The following SAMMSON variants were observed in gnomAD, a reference collection of about 807,000 sequenced individuals.
SAMMSON encodes the protein survival associated mitochondrial melanoma specific oncogenic non-coding RNA, also known as long intergenic non-protein coding RNA 1212.
chr3:70,429,750 A>G (rs944539946), intron 2 of SAMMSON, among the ~76,000 whole-genome samples: 3 of 152,170 alleles, frequency 2.0e-5, no homozygotes, highest in African/African-American at 7.2e-5. Context: ...GAGTTCACTC[A>G]TGATTTGGCT....
intron 4 of SAMMSON, among the ~76,000 whole-genome samples, chr3:70,182,353 A>G (rs1444449417): frequency 6.6e-6 from 1 of 152,166 alleles, no homozygotes; most frequent in Non-Finnish European, 1.5e-5. Context: ...TCGTGAGCCC[A>G]TATAGATTCT....
intron 2 of SAMMSON, among the ~76,000 whole-genome samples, chr3:70,429,341 C>T (rs1163381978): frequency 6.6e-6 from 1 of 152,052 alleles, no homozygotes; most frequent in African/African-American, 2.4e-5. Flanking sequence ...GTTTTGGTAC[C>T]AGTACGATGT....
chr3:70,396,024 C>G (rs1055125995), intron 2 of SAMMSON, among the ~76,000 whole-genome samples: 5 of 152,130 alleles, frequency 3.3e-5, no homozygotes, highest in Non-Finnish European at 7.4e-5. Flanking sequence ...AGGCATCTAG[C>G]TCATGAGAAC....
chr3:70,370,078 C>T (rs1270566657), intron 9 of SAMMSON, among the ~76,000 whole-genome samples: 1 of 151,842 alleles, frequency 6.6e-6, no homozygotes, highest in African/African-American at 2.4e-5. Flanking sequence ...TCTCTCTGTG[C>T]CTGACATATT....
intron 9 of SAMMSON, among the ~76,000 whole-genome samples, chr3:70,359,128 T>C (rs1033321089): frequency 2.6e-5 from 4 of 152,046 alleles, no homozygotes; most frequent in Admixed American, 6.6e-5. Flanking sequence ...CATCAATTTC[T>C]CCTCTTGCAA....
rs186105689 is a variant in SAMMSON, at chr3:70,011,159, T to A, written n.23-1198T>A. Among the ~76,000 whole-genome samples the A allele has an allele frequency of 1.1e-3, 163 of 152,320 alleles. 1 individual carries two copies. The highest frequency in any genetic ancestry group is 1.9e-3 in the Non-Finnish European group (131 of 68,034). ...TGTAGATACATAATAGTTTTACATA[T>A]TTCTGAGGTGCATGCTATCATCTGT... is the stretch of plus-strand genomic sequence containing the variant. On this transcript the variant is annotated intron_variant and non_coding_transcript_variant, in intron 1 of 9. Coordinates refer to ENST00000642114, the Ensembl canonical transcript of SAMMSON.
intron 7 of SAMMSON, among the ~76,000 whole-genome samples, chr3:70,295,468 C>A (rs1453138117): frequency 6.6e-6 from 1 of 152,028 alleles, no homozygotes; most frequent in Non-Finnish European, 1.5e-5. Flanking sequence ...CTTTGGGAGG[C>A]CGAGTGAGAT....
At chr3:70,132,701 G>A (rs1057283358) in intron 4 of SAMMSON, among the ~76,000 whole-genome samples, 40 of 150,854 alleles carry the variant, frequency 2.7e-4, no homozygotes, top group African/African-American at 9.0e-4. Flanking sequence ...CAGCACTTTC[G>A]GAGGCCAAGG....
rs149008560 is a variant in SAMMSON at position 70,169,964 on chromosome 3, G to C, written n.508-79143G>C. Reference sequence around the variant, plus strand: ...TAGAAAAAATACCCCAGAAAGGAGGGGGACACTGGCTAGCAGTCTAGTTGT... The same window carrying C: ...TAGAAAAAATACCCCAGAAAGGAGGCGGACACTGGCTAGCAGTCTAGTTGT... On this transcript the variant is annotated intron_variant and non_coding_transcript_variant, in intron 4 of 9. Transcript: ENST00000642114. Among the ~76,000 whole-genome samples the C allele has an allele frequency of 3.6e-3, 542 of 151,982 alleles. 2 individuals are homozygous for C. The highest frequency in any genetic ancestry group is 0.012 in the African/African-American group (506 of 41,494).
At chr3:70,412,122 T>A (rs531109123) in intron 2 of SAMMSON, among the ~76,000 whole-genome samples, 3 of 152,144 alleles carry the variant, frequency 2.0e-5, no homozygotes, top group Non-Finnish European at 4.4e-5. Flanking sequence ...ACTAATTCAA[T>A]GCTGATGAAA....
At chr3:70,149,015 T>A (rs1198664080) in intron 4 of SAMMSON, among the ~76,000 whole-genome samples, 1 of 152,044 alleles carries the variant, frequency 6.6e-6, no homozygotes, top group East Asian at 1.9e-4. Flanking sequence ...TGCAGCACAT[T>A]GCGTCGCTCA....
intron 4 of SAMMSON, among the ~76,000 whole-genome samples, chr3:70,208,256 G>A (rs1411879686): frequency 6.6e-6 from 1 of 152,034 alleles, no homozygotes; most frequent in Non-Finnish European, 1.5e-5. Flanking sequence ...CGCAATGCCT[G>A]GTTGGTTCAA....
intron 3 of SAMMSON, among the ~76,000 whole-genome samples, chr3:70,021,883 A>G (rs887860767): frequency 3.3e-5 from 5 of 152,112 alleles, no homozygotes; most frequent in African/African-American, 1.2e-4. Context: ...CCTGAGGGCC[A>G]TTTCTTTTTT....
intron 3 of SAMMSON, among the ~76,000 whole-genome samples, chr3:70,049,206 A>G (rs1207149221): frequency 6.6e-6 from 1 of 152,124 alleles, no homozygotes; most frequent in Non-Finnish European, 1.5e-5. Context: ...TGTCGGGACA[A>G]GTAGTCACCA....
intron 3 of SAMMSON, among the ~76,000 whole-genome samples, chr3:70,045,217 A>ATTTTATTTAATATT (rs2067122109): frequency 7.0e-6 from 1 of 142,574 alleles, no homozygotes; most frequent in Non-Finnish European, 1.5e-5. Context: ...TAATTAAAGT[A>ATTTTATTTAATATT]TTTTATTTAA....
intron 7 of SAMMSON, among the ~76,000 whole-genome samples, chr3:70,313,390 A>C (rs1192187496): frequency 6.6e-6 from 1 of 151,984 alleles, no homozygotes; most frequent in Non-Finnish European, 1.5e-5. Flanking sequence ...AGGTGGGAGA[A>C]TCCCTTGAGC....
chr3:70,417,413 T>C (rs1229281965), intron 2 of SAMMSON, among the ~76,000 whole-genome samples: 1 of 152,228 alleles, frequency 6.6e-6, no homozygotes, highest in Non-Finnish European at 1.5e-5. Flanking sequence ...CTTATCCAAC[T>C]TTCTCTGTAC....
chr3:70,332,202 T>A (rs915312107), intron 7 of SAMMSON, among the ~76,000 whole-genome samples: 2 of 152,188 alleles, frequency 1.3e-5, no homozygotes, highest in Non-Finnish European at 2.9e-5. Context: ...GAAACAAATA[T>A]GTTTAGGGAC....
chr3:70,085,040 G>A (rs1261524132), intron 4 of SAMMSON, among the ~76,000 whole-genome samples: 1 of 152,180 alleles, frequency 6.6e-6, no homozygotes, highest in Admixed American at 6.5e-5. Context: ...TGATGGCAGA[G>A]GGGAGAGGGT....
Sources: allele counts gnomAD v4.1 joint callset (sites outside exome capture counted in the v4.1 genomes callset), GRCh38; gene constraint gnomAD v4.1.1; transcripts MANE v1.5; gene names NCBI Gene and HGNC (gene_info 2026-07-23, HGNC 2026-07-21).